The following MTUS2 variants were observed in gnomAD, a reference collection of about 807,000 sequenced individuals.
MTUS2 encodes microtubule associated scaffold protein 2, also known as microtubule-associated tumor suppressor candidate 2.
A neutral mutation model predicts 114.1 loss-of-function variants in MTUS2; 40 were observed. The ratio of observed to expected loss-of-function variants is 0.35; its 90% confidence interval spans 0.27 to 0.46. The LOEUF (loss-of-function observed/expected upper bound fraction) is 0.46, where lower values mean the gene tolerates loss of function less well. MTUS2 is among the 20% of genes least tolerant of loss of function. MTUS2 has a pLI of 1.00. For synonymous variants in MTUS2, 688 were observed against 672.0 expected, an observed-to-expected ratio of 1.02 and a Z score of -0.37; for missense variants, 1,679 against 1,705.4, an observed-to-expected ratio of 0.98 and a Z score of 0.27.
chr13:29,172,378 A>C (rs1009852339), intron 5 of MTUS2, among the ~76,000 whole-genome samples: 3 of 152,252 alleles, frequency 2.0e-5, no homozygotes, highest in African/African-American at 7.2e-5. Context: ...GTTTAGGTAC[A>C]TCAAGGACTG....
intron 2 of MTUS2, among the ~76,000 whole-genome samples, chr13:28,894,526 T>C (rs1879150400): frequency 6.6e-6 from 1 of 152,168 alleles, no homozygotes; most frequent in Admixed American, 6.5e-5. Flanking sequence ...TTCTGTTGTT[T>C]GAGCCAGCCA....
At chr13:29,065,127 C>T (rs1956520839) in intron 4 of MTUS2, among the ~76,000 whole-genome samples, 3 of 152,066 alleles carry the variant, frequency 2.0e-5, no homozygotes, top group Admixed American at 6.6e-5. Context: ...ATTTATGTTC[C>T]TTTGAGTACA....
Position 29,355,232 on chromosome 13 carries a change from G to A in MTUS2, c.2906-4030G>A, listed in dbSNP as rs542381757. On this transcript the variant is annotated intron_variant, in intron 7 of 15. Coordinates refer to ENST00000612955, the MANE Select transcript of MTUS2 (RefSeq NM_001033602.4). ...GCTCAGCCTTTGCACGCAACGCCTAGCCTTTGCACGCAAACTGTTTGCATC... is the reference window on the plus strand; with the variant it reads ...GCTCAGCCTTTGCACGCAACGCCTAACCTTTGCACGCAAACTGTTTGCATC... Among the ~76,000 whole-genome samples the A allele has an allele frequency of 7.9e-5, 12 of 152,336 alleles. No individual in the cohort carries two copies. The South Asian group carries it at 2.5e-3, about 32-fold the overall frequency.
intron 5 of MTUS2, among the ~76,000 whole-genome samples, chr13:29,184,637 T>C (rs530747512): frequency 6.6e-6 from 1 of 152,298 alleles, no homozygotes; most frequent in East Asian, 1.9e-4. Flanking sequence ...TTTAAGGCAA[T>C]CTCTGTCCAA....
At chr13:29,132,815 G>T (rs950190812) in intron 5 of MTUS2, among the ~76,000 whole-genome samples, 1 of 152,086 alleles carries the variant, frequency 6.6e-6, no homozygotes, top group Non-Finnish European at 1.5e-5. Flanking sequence ...TGTGAACCTG[G>T]GGGTACAAAT....
chr13:28,909,683 A>G lies in MTUS2; in HGVS notation c.-243+69833A>G, dbSNP rs569091203. Among the ~76,000 whole-genome samples, 148 of 152,284 alleles carry G rather than the reference A, an allele frequency of 9.7e-4. 1 individual carries two copies. Among genetic ancestry groups the G allele is most frequent in the South Asian group, 2.1e-3 (10 of 4,822 alleles). On this transcript the variant is annotated intron_variant, in intron 2 of 15. Coordinates refer to ENST00000612955, the MANE Select transcript of MTUS2 (RefSeq NM_001033602.4). ...AGTGTTGGAAGTTCTGGCCAGGGCA[A>G]TCAGGCAGGAGAAGGAAATAAAGGG... is the stretch of plus-strand genomic sequence containing the variant.
In MTUS2 at chr13:29,480,384, C is replaced by G; in HGVS notation, c.3399+20C>G. 1.3e-6 allele frequency: 2 copies of G among 1,496,420 alleles called. No individual in the cohort carries two copies. The highest frequency in any genetic ancestry group is 1.8e-6 in the Non-Finnish European group (2 of 1,119,214). The allele number at this position is 1,496,420 out of a possible 1,614,324, so 92.7% of individuals were successfully genotyped here. A position where few individuals can be genotyped will look rare whatever the true frequency, so the allele number is the denominator to read the frequency against. On this transcript the variant is annotated intron_variant, in intron 10 of 15. Transcript: ENST00000612955. This position sits in a 1 kb window ranked among gnomAD's most constrained non-coding sequence, Gnocchi z 4.4. ...GAGCAGGTCAGTCTGCAGTGCGGCT[C>G]GAGCTCTGCTGTTGGGTGATGCAGG...
At chr13:29,354,256 T>A (rs1869547986) in intron 7 of MTUS2, among the ~76,000 whole-genome samples, 1 of 151,748 alleles carries the variant, frequency 6.6e-6, no homozygotes, top group Admixed American at 6.6e-5. Flanking sequence ...TTTTTTTTTT[T>A]TTTGCTGGTT....
chr13:29,024,761 A>T lies in MTUS2; in HGVS notation c.63A>T (p.Ala21=). Residue 21 remains alanine, a synonymous_variant, in exon 3 of 16, where the codon GCA becomes GCT. Transcript: ENST00000612955. The stretch of plus-strand genomic sequence containing the variant: ...CTCAGTTGCGGGACAACAGAAATGC[A>T]GCAAGAAATAATAATGAAAGCATCT... The part of the protein sequence containing the change: ...CYTQLRDNRN[A]ARNNNESILS... 6.2e-7 allele frequency: 1 copy of T among 1,614,052 alleles called. No homozygotes were observed. The highest frequency in any genetic ancestry group is 2.2e-5 in the East Asian group (1 of 44,884).
At chr13:29,098,454 AC>A (rs1890269818) in intron 4 of MTUS2, among the ~76,000 whole-genome samples, 1 of 17,918 alleles carries the variant, frequency 5.6e-5, no homozygotes, top group Non-Finnish European at 2.2e-4. Flanking sequence ...CTAAACACAC[AC>A]ACACACACAC....
chr13:29,336,760 G>T (rs767360136), intron 7 of MTUS2, among the ~76,000 whole-genome samples: 23 of 152,200 alleles, frequency 1.5e-4, no homozygotes, highest in Non-Finnish European at 2.5e-4. Context: ...CCTTTCCCCA[G>T]ATGCTCTGTT....
chr13:29,151,563 T>C (rs1289137459), intron 5 of MTUS2, among the ~76,000 whole-genome samples: 2 of 152,158 alleles, frequency 1.3e-5, no homozygotes, highest in Non-Finnish European at 2.9e-5. Flanking sequence ...CTAGGACTTC[T>C]AGTACATGTT....
intron 7 of MTUS2, among the ~76,000 whole-genome samples, chr13:29,335,067 T>C (rs1900983886): frequency 6.6e-6 from 1 of 152,210 alleles, no homozygotes; most frequent in Non-Finnish European, 1.5e-5. Context: ...CCTTAAAGTC[T>C]GGCTGCCTGT....
chr13:28,861,436 T>G (rs1876972561), intron 2 of MTUS2, among the ~76,000 whole-genome samples: 1 of 83,736 alleles, frequency 1.2e-5, no homozygotes, highest in African/African-American at 4.0e-5. Flanking sequence ...CCTCTGTTTT[T>G]TTCTTTTTTT....
chr13:28,969,653 C>T (rs934747310), intron 2 of MTUS2, among the ~76,000 whole-genome samples: 1 of 151,940 alleles, frequency 6.6e-6, no homozygotes, highest in Non-Finnish European at 1.5e-5. Context: ...CAGGTACGTG[C>T]AGCACCACGC....
intron 5 of MTUS2, among the ~76,000 whole-genome samples, chr13:29,142,257 T>A (rs75072246): frequency 0.015 from 2,247 of 152,268 alleles, 46 homozygotes; most frequent in African/African-American, 0.052. Flanking sequence ...AATTACATGA[T>A]GGGTTTGTTA....
chr13:29,048,600 C>T (rs1366408064), intron 4 of MTUS2, among the ~76,000 whole-genome samples: 1 of 152,196 alleles, frequency 6.6e-6, no homozygotes, highest in Non-Finnish European at 1.5e-5. Context: ...TCCCAAGTAA[C>T]TAGGACTATA....
At chr13:29,049,174 A>G (rs1887773907) in intron 4 of MTUS2, among the ~76,000 whole-genome samples, 1 of 152,244 alleles carries the variant, frequency 6.6e-6, no homozygotes, top group African/African-American at 2.4e-5. Flanking sequence ...TGAGAGTCTA[A>G]GTATGGAAGA....
chr13:29,342,385 A>G (rs567872331), intron 7 of MTUS2, among the ~76,000 whole-genome samples: 98 of 151,582 alleles, frequency 6.5e-4, no homozygotes, highest in Non-Finnish European at 1.1e-3. Context: ...TAGGTGTAAT[A>G]TATTTCCAAG....
Sources: gnomAD v4.1 joint callset for allele counts (sites outside exome capture counted in the v4.1 genomes callset) on GRCh38, gnomAD v4.1.1 for gene constraint, Gnocchi (gnomAD v3.1) non-coding constraint, MANE v1.5 for transcripts, NCBI Gene and HGNC (gene_info 2026-07-23, HGNC 2026-07-21) for gene names.